Variants in ASTN2 observed in about 807,000 individuals in gnomAD.
ASTN2 encodes astrotactin-2.
Under a neutral mutation model 139.8 loss-of-function variants are expected in ASTN2, and 54 were observed. The ratio of observed to expected loss-of-function variants is 0.39; its 90% CI spans 0.31 to 0.48. The LOEUF (loss-of-function observed/expected upper bound fraction) is 0.48, where lower values mean the gene tolerates loss of function less well. Among genes scored for constraint, ASTN2 ranks in the 20% least tolerant of loss-of-function variants. The pLI is 0.95. For synonymous variants in ASTN2, 756 were observed against 719.5 expected (o/e 1.05, Z -0.81); for missense variants, 1,565 against 1,725.1 (o/e 0.91, Z 1.64).
chr9:117,022,994 G>A (rs1554770394), intron 6 of ASTN2, among the ~76,000 whole-genome samples: 7 of 151,074 alleles, frequency 4.6e-5, no homozygotes, highest in Non-Finnish European at 1.0e-4. Context: ...ACAAACATAC[G>A]ACAACAACAA....
At chr9:116,760,308 G>T (rs1034150019) in intron 13 of ASTN2, among the ~76,000 whole-genome samples, 5 of 152,202 alleles carry the variant, frequency 3.3e-5, no homozygotes, top group African/African-American at 1.2e-4. Context: ...GAACAGAGAA[G>T]TATGGGGCAG....
At chr9:116,969,933 G>A (rs145102837) in intron 10 of ASTN2, among the ~76,000 whole-genome samples, 1 of 152,236 alleles carries the variant, frequency 6.6e-6, no homozygotes, top group African/African-American at 2.4e-5. Flanking sequence ...CGGTATCCCT[G>A]GGCCAAAATC....
At chr9:116,755,438 A>C (rs1034715023) in intron 13 of ASTN2, among the ~76,000 whole-genome samples, 1 of 152,176 alleles carries the variant, frequency 6.6e-6, no homozygotes, top group Non-Finnish European at 1.5e-5. Flanking sequence ...GGAAAACTGG[A>C]CACATTGACA....
At chr9:116,466,389 C>T (rs186612629) in intron 20 of ASTN2, among the ~76,000 whole-genome samples, 9 of 152,184 alleles carry the variant, frequency 5.9e-5, no homozygotes, top group Admixed American at 1.3e-4. Flanking sequence ...TGAGTCTTGA[C>T]GTCATTGGCT....
At chr9:117,245,635 T>G (rs1300070078) in intron 2 of ASTN2, among the ~76,000 whole-genome samples, 1 of 152,206 alleles carries the variant, frequency 6.6e-6, no homozygotes, top group East Asian at 1.9e-4. Context: ...AGGCACACCC[T>G]GAATGCACTG....
intron 16 of ASTN2, chr9:116,686,767 G>A (rs1860240080): frequency 1.3e-6 from 2 of 1,550,558 alleles, no homozygotes; most frequent in Admixed American, 2.0e-5. Flanking sequence ...CCTCCCAGCT[G>A]AGTAGGCAAA....
At chr9:116,912,627 T>C (rs1834345701) in intron 10 of ASTN2, among the ~76,000 whole-genome samples, 1 of 152,226 alleles carries the variant, frequency 6.6e-6, no homozygotes, top group Non-Finnish European at 1.5e-5. Context: ...TGATTTGTTT[T>C]CTGAAATCTG....
intron 3 of ASTN2, among the ~76,000 whole-genome samples, chr9:117,142,499 T>C (rs1564446880): frequency 6.6e-6 from 1 of 152,188 alleles, no homozygotes; most frequent in African/African-American, 2.4e-5. Flanking sequence ...ACACAATATA[T>C]GTCTTACTCC....
intron 4 of ASTN2, among the ~76,000 whole-genome samples, chr9:117,115,601 A>G (rs1368415183): frequency 6.6e-6 from 1 of 152,178 alleles, no homozygotes; most frequent in Non-Finnish European, 1.5e-5. Context: ...TTAAAAGGAT[A>G]TTGGAAACCT....
intron 11 of ASTN2, among the ~76,000 whole-genome samples, chr9:116,860,812 C>T (rs1003244371): frequency 2.6e-5 from 4 of 152,136 alleles, no homozygotes; most frequent in Non-Finnish European, 5.9e-5. Flanking sequence ...GAGCTCTTAG[C>T]TTGTAGACAT....
intron 3 of ASTN2, among the ~76,000 whole-genome samples, chr9:117,204,356 C>A (rs1385654323): frequency 6.6e-6 from 1 of 152,216 alleles, no homozygotes; most frequent in African/African-American, 2.4e-5. Context: ...CTGTCCCTGG[C>A]TGCCTTGATT....
At chr9:117,352,030 T>G (rs1829408272) in intron 1 of ASTN2, among the ~76,000 whole-genome samples, 1 of 152,188 alleles carries the variant, frequency 6.6e-6, no homozygotes, top group African/African-American at 2.4e-5. Flanking sequence ...GAATCAACTG[T>G]GAAGATTTCC....
chr9:117,127,976 G>T (rs960936880), intron 4 of ASTN2, among the ~76,000 whole-genome samples: 1 of 151,958 alleles, frequency 6.6e-6, no homozygotes, highest in Admixed American at 6.5e-5. Context: ...CACCGCTCCC[G>T]GCCGGGTTTT....
At chr9:116,915,202 T>C (rs1834408309) in intron 10 of ASTN2, among the ~76,000 whole-genome samples, 1 of 152,176 alleles carries the variant, frequency 6.6e-6, no homozygotes, top group African/African-American at 2.4e-5. Flanking sequence ...TCTTAACATG[T>C]CTGTAGCAGT....
intron 6 of ASTN2, among the ~76,000 whole-genome samples, chr9:117,014,662 A>C (rs1837626151): frequency 6.6e-6 from 1 of 152,114 alleles, no homozygotes; most frequent in Non-Finnish European, 1.5e-5. Flanking sequence ...CTAGTGTCTC[A>C]GAATGTGACT....
intron 4 of ASTN2, among the ~76,000 whole-genome samples, chr9:117,104,030 G>T (rs1301021389): frequency 2.0e-5 from 3 of 152,140 alleles, no homozygotes; most frequent in Admixed American, 1.3e-4. Flanking sequence ...TCCAAATGTG[G>T]CCAGGAGAGG....
chr9:117,141,685 C>A (rs1397462454), intron 3 of ASTN2, among the ~76,000 whole-genome samples: 1 of 152,200 alleles, frequency 6.6e-6, no homozygotes, highest in Non-Finnish European at 1.5e-5. Flanking sequence ...TGTTGGATTA[C>A]ATACTTATGT....
chr9:116,719,633 T>C (rs1373265420), intron 16 of ASTN2, among the ~76,000 whole-genome samples: 1 of 152,050 alleles, frequency 6.6e-6, no homozygotes, highest in East Asian at 1.9e-4. Flanking sequence ...GTTGGAGGTA[T>C]AAAGTAGAAC....
At chr9:117,107,387 G>A (rs1046609485) in intron 4 of ASTN2, among the ~76,000 whole-genome samples, 6 of 152,142 alleles carry the variant, frequency 3.9e-5, no homozygotes, top group Non-Finnish European at 8.8e-5. Flanking sequence ...GATCTATATT[G>A]TCAAGACACC....
Sources: allele counts gnomAD v4.1 joint callset (sites outside exome capture counted in the v4.1 genomes callset), GRCh38; gene constraint gnomAD v4.1.1; transcripts MANE v1.5; gene names NCBI Gene and HGNC (gene_info 2026-07-23, HGNC 2026-07-21).